The following REEP1 variants were observed in gnomAD, a reference collection of about 807,000 sequenced individuals.
The protein encoded by REEP1 is receptor accessory protein 1, also known as receptor expression-enhancing protein 1.
A neutral mutation model predicts 40.3 loss-of-function variants in REEP1; 22 were observed. That is an observed-to-expected ratio of 0.55 (90% confidence interval 0.39 to 0.78). The LOEUF is 0.78. Ranked by LOEUF, REEP1 falls within the 30% of genes least tolerant of loss-of-function variation. The pLI is 0.00. For synonymous variants in REEP1, 116 were observed against 139.2 expected (o/e 0.83, Z 1.17); for missense variants, 280 against 361.1 (o/e 0.78, Z 1.82).
chr2:86,326,212 C>T (rs1040660269), intron 1 of REEP1, among the ~76,000 whole-genome samples: 11 of 152,176 alleles, frequency 7.2e-5, no homozygotes, highest in African/African-American at 1.2e-4. Context: ...AAGATGGAAT[C>T]AGAACTTATT....
At chr2:86,309,856 G>A (rs10166072) in intron 1 of REEP1, among the ~76,000 whole-genome samples, 2 of 152,188 alleles carry the variant, frequency 1.3e-5, no homozygotes, top group Non-Finnish European at 2.9e-5. Context: ...TACGAATTTG[G>A]GGGGGCAATT....
Position 86,215,368 on chromosome 2 carries a change from TG to T in REEP1, c.*1670del, listed in dbSNP as rs1216842245. On this transcript the variant is annotated 3_prime_UTR_variant, in exon 9 of 9. Coordinates refer to ENST00000538924, the MANE Select transcript of REEP1 (RefSeq NM_001371279.1). ...AATCAGCTTCAAATCAAACCCTTTC[TG>T]GGGTGGCTAAGATCCAGCTAATGTG... The T allele has an allele frequency of 6.6e-6, 1 of 152,266 alleles. No individual in the cohort carries two copies. The highest frequency in any genetic ancestry group is 6.5e-5 in the Admixed American group (1 of 15,272). The allele number at this position is 152,266 out of a possible 1,614,324, so 9.4% of individuals were successfully genotyped here.
chr2:86,306,655 T>G (rs1317305300), intron 1 of REEP1, among the ~76,000 whole-genome samples: 2 of 152,222 alleles, frequency 1.3e-5, no homozygotes, highest in African/African-American at 4.8e-5. Context: ...ATGAGCGTTA[T>G]CTGATCTACA....
intron 8 of REEP1, 148 bp from the exon 9 acceptor site, chr2:86,217,258 A>C (rs1004880123): frequency 1.7e-5 from 12 of 718,446 alleles, no homozygotes; most frequent in Non-Finnish European, 3.1e-5. Context: ...AATCTCCGCA[A>C]CAGGAAGCAA....
chr2:86,258,583 G>A (rs1179778528), intron 3 of REEP1, among the ~76,000 whole-genome samples: 1 of 152,172 alleles, frequency 6.6e-6, no homozygotes, highest in Non-Finnish European at 1.5e-5. Flanking sequence ...TACAAAACCA[G>A]GTCCTTGCCA....
intron 5 of REEP1, among the ~76,000 whole-genome samples, chr2:86,246,389 T>C (rs1675956711): frequency 6.6e-6 from 1 of 152,180 alleles, no homozygotes; most frequent in Non-Finnish European, 1.5e-5. Flanking sequence ...GAATCCCTAA[T>C]TCACAGAATG....
At chr2:86,253,750 C>T (rs962362862) in intron 4 of REEP1, among the ~76,000 whole-genome samples, 11 of 152,338 alleles carry the variant, frequency 7.2e-5, no homozygotes, top group East Asian at 1.9e-4. Flanking sequence ...GCTCATCCAA[C>T]GGATATGTTT....
intron 1 of REEP1, among the ~76,000 whole-genome samples, chr2:86,313,641 C>T (rs1679864126): frequency 6.6e-6 from 1 of 152,232 alleles, no homozygotes; most frequent in African/African-American, 2.4e-5. Context: ...TCGGTTTCCT[C>T]TCTGGCAAAA....
At chr2:86,236,640 G>A (rs759588472) in intron 5 of REEP1, among the ~76,000 whole-genome samples, 5 of 151,928 alleles carry the variant, frequency 3.3e-5, no homozygotes, top group African/African-American at 1.2e-4. Context: ...GGTAGATCCC[G>A]TTTCTATTTT....
At chr2:86,229,226 A>G (rs1038498709) in intron 6 of REEP1, among the ~76,000 whole-genome samples, 1 of 152,216 alleles carries the variant, frequency 6.6e-6, no homozygotes, top group Admixed American at 6.5e-5. Context: ...GCCAAGGCCA[A>G]ATCTATGGTA....
intron 5 of REEP1, among the ~76,000 whole-genome samples, chr2:86,246,664 C>T (rs533893913): frequency 3.0e-4 from 46 of 151,216 alleles, no homozygotes; most frequent in Non-Finnish European, 4.7e-4. Flanking sequence ...GTTCGTCTCA[C>T]TATGGTTTCT....
chr2:86,238,136 G>A (rs1423618963), intron 5 of REEP1, among the ~76,000 whole-genome samples: 1 of 152,170 alleles, frequency 6.6e-6, no homozygotes, highest in Non-Finnish European at 1.5e-5. Flanking sequence ...AGCCGAGATC[G>A]TGCCATTGCA....
At position 86,330,540 on chromosome 2, in the gene REEP1, G is replaced by A. The variant is rs551380154; in HGVS notation, c.32+6939C>T. Among the ~76,000 whole-genome samples the A allele has an allele frequency of 3.3e-5, 5 of 151,610 alleles. No individual in the cohort carries two copies. In the South Asian group the frequency reaches 8.4e-4, roughly 25 times the overall value. ...GCTCACTGCAACCTCCAGCTCCCAG[G>A]CTCAAGTGATCCTCCCACCTCATCC... On this transcript the variant is annotated intron_variant, in intron 1 of 8. Coordinates refer to ENST00000538924, the MANE Select transcript of REEP1 (RefSeq NM_001371279.1).
At chr2:86,242,154 A>G (rs1176833750) in intron 5 of REEP1, among the ~76,000 whole-genome samples, 1 of 152,198 alleles carries the variant, frequency 6.6e-6, no homozygotes, top group Non-Finnish European at 1.5e-5. Context: ...GCATTCTGTG[A>G]AGTCTTTACA....
chr2:86,217,358 A>G (rs1202419391), intron 8 of REEP1, among the ~76,000 whole-genome samples: 1 of 152,158 alleles, frequency 6.6e-6, no homozygotes, highest in African/African-American at 2.4e-5. Context: ...CAATCTCCCA[A>G]GGGAACGGTT....
At chr2:86,268,026 A>T (rs930775608) in intron 2 of REEP1, among the ~76,000 whole-genome samples, 5 of 151,900 alleles carry the variant, frequency 3.3e-5, no homozygotes, top group African/African-American at 4.8e-5. Flanking sequence ...TATTTTTTTT[A>T]AAACCCTACA....
intron 1 of REEP1, among the ~76,000 whole-genome samples, chr2:86,331,859 A>G (rs1222853091): frequency 6.6e-6 from 1 of 152,178 alleles, no homozygotes; most frequent in African/African-American, 2.4e-5. Context: ...CCCTGCATAA[A>G]GCACTCTTGG....
At chr2:86,266,783 GGATCACGAGGTCAGGA>G (rs1434844439) in intron 2 of REEP1, among the ~76,000 whole-genome samples, 1 of 151,356 alleles carries the variant, frequency 6.6e-6, no homozygotes, top group African/African-American at 2.4e-5. Flanking sequence ...CGAGGTGGGT[GGATCACGAGGTCAGGA>G]GATCGAGACC....
At chr2:86,273,694 C>T (rs917003786) in intron 2 of REEP1, among the ~76,000 whole-genome samples, 21 of 152,062 alleles carry the variant, frequency 1.4e-4, no homozygotes, top group African/African-American at 5.1e-4. Context: ...TCTTTTTTTG[C>T]GTCTGATTTC....
Sources: gnomAD v4.1 joint callset for allele counts (sites outside exome capture counted in the v4.1 genomes callset) on GRCh38, gnomAD v4.1.1 for gene constraint, MANE v1.5 for transcripts, NCBI Gene and HGNC (gene_info 2026-07-23, HGNC 2026-07-21) for gene names.